CENPP: variants seen among roughly 807,000 people sequenced by gnomAD.
The protein encoded by CENPP is centromere protein P.
In CENPP, 24 loss-of-function variants were observed where a neutral mutation model predicts 35.6. That is an observed-to-expected ratio of 0.67 (90% confidence interval 0.49 to 0.95). The LOEUF (loss-of-function observed/expected upper bound fraction) is 0.95, where lower values mean the gene tolerates loss of function less well. Among genes scored for constraint, CENPP ranks in the 40% least tolerant of loss-of-function variants. The probability of loss-of-function intolerance (pLI) is 0.00; values close to 1 mark genes in which losing one functional copy is unlikely to be tolerated. For missense variants in CENPP, 332 were observed against 345.3 expected (o/e 0.96, Z 0.31); for synonymous variants, 120 against 125.5 (o/e 0.96, Z 0.29).
chr9:92,347,613 A>G (rs1241158083), intron 4 of CENPP, among the ~76,000 whole-genome samples: 1 of 152,102 alleles, frequency 6.6e-6, no homozygotes, highest in African/African-American at 2.4e-5. Flanking sequence ...TTCATTATAG[A>G]TCTGTAGTTT....
At chr9:92,357,938 T>G (rs892926887) in intron 4 of CENPP, among the ~76,000 whole-genome samples, 10 of 152,124 alleles carry the variant, frequency 6.6e-5, no homozygotes, top group African/African-American at 2.2e-4. Flanking sequence ...CTGCTGATCA[T>G]TTTATTGAAC....
intron 4 of CENPP, among the ~76,000 whole-genome samples, chr9:92,355,958 G>C (rs1144933): frequency 6.6e-6 from 1 of 152,086 alleles, no homozygotes; most frequent in African/African-American, 2.4e-5. Context: ...ATATGCATAT[G>C]CAAAAACTCT....
At chr9:92,536,926 A>C (rs1054376091) in intron 5 of CENPP, among the ~76,000 whole-genome samples, 5 of 150,244 alleles carry the variant, frequency 3.3e-5, no homozygotes, top group African/African-American at 1.2e-4. Context: ...CTAGAGTGCA[A>C]TGTCGTGATC....
chr9:92,533,336 T>A lies in CENPP; in HGVS notation c.565-77978T>A, dbSNP rs372777108. On this transcript the variant is annotated intron_variant, in intron 5 of 7. Transcript: ENST00000375587. Reference sequence around the variant, plus strand: ...AAAAAAAAAAAAAAAAAAATATATATATATATATATATATATATATATGCT... The same window carrying A: ...AAAAAAAAAAAAAAAAAAATATATAAATATATATATATATATATATATGCT... Among the ~76,000 whole-genome samples the A allele has an allele frequency of 3.1e-3, 318 of 101,826 alleles. 1 individual carries two copies. Among genetic ancestry groups the A allele is most frequent in the East Asian group, 0.013 (25 of 1,870 alleles). The allele number at this position is 101,826 out of a possible 152,430, so 66.8% of individuals were successfully genotyped here.
chr9:92,543,128 AT>A (rs908496868), intron 5 of CENPP, among the ~76,000 whole-genome samples: 1 of 152,134 alleles, frequency 6.6e-6, no homozygotes, highest in African/African-American at 2.4e-5. Context: ...GCTTTGTAGT[AT>A]ATTTTGATGT....
intron 5 of CENPP, among the ~76,000 whole-genome samples, chr9:92,527,255 C>G (rs2131264827): frequency 6.6e-6 from 1 of 152,278 alleles, no homozygotes; most frequent in Non-Finnish European, 1.5e-5. Flanking sequence ...AAGTGATTCA[C>G]CCACCTCAGC....
At chr9:92,354,102 A>G (rs1841531434) in intron 4 of CENPP, among the ~76,000 whole-genome samples, 1 of 152,236 alleles carries the variant, frequency 6.6e-6, no homozygotes, top group African/African-American at 2.4e-5. Context: ...CATCAGAGGC[A>G]ATGCTGTATG....
In CENPP at chr9:92,613,975, T is replaced by A. The variant is rs1396002084; in HGVS notation, c.*826T>A. The A allele has an allele frequency of 1.3e-5, 2 of 152,214 alleles. No individual in the cohort carries two copies. Among genetic ancestry groups the A allele is most frequent in the East Asian group, 3.9e-4 (2 of 5,184 alleles). 9.4% of individuals were successfully genotyped at this position (152,214 alleles called of 1,614,324 possible). ...GTTTCCAAGACGGGCCAGAAACGCA[T>A]CCACAGCAGTGGCACCCGCGGCTCA... is the stretch of plus-strand genomic sequence containing the variant. On this transcript the variant is annotated 3_prime_UTR_variant, in exon 8 of 8. Coordinates refer to ENST00000375587, the MANE Select transcript of CENPP (RefSeq NM_001012267.3).
chr9:92,387,249 G>A (rs1842469162), intron 5 of CENPP, among the ~76,000 whole-genome samples: 2 of 151,652 alleles, frequency 1.3e-5, no homozygotes, highest in African/African-American at 2.4e-5. Flanking sequence ...GCACATGCCT[G>A]TAATCCCAGC....
intron 5 of CENPP, chr9:92,474,848 G>A (rs574970813): frequency 6.2e-7 from 1 of 1,613,724 alleles, no homozygotes; most frequent in Non-Finnish European, 8.5e-7. Flanking sequence ...GCTAAAGAAG[G>A]GTTTGGCAGA....
chr9:92,444,931 G>T (rs866800937), intron 5 of CENPP, among the ~76,000 whole-genome samples: 1 of 152,128 alleles, frequency 6.6e-6, no homozygotes, highest in African/African-American at 2.4e-5. Flanking sequence ...ACCCTGGAGA[G>T]ACCAACAGAC....
intron 5 of CENPP, among the ~76,000 whole-genome samples, chr9:92,396,896 C>G (rs745824349): frequency 4.9e-4 from 74 of 152,150 alleles, no homozygotes; most frequent in Non-Finnish European, 9.7e-4. Flanking sequence ...TGTCAGGAGA[C>G]TGGGTGCAAT....
At chr9:92,573,299 T>A (rs1850194218) in intron 5 of CENPP, among the ~76,000 whole-genome samples, 1 of 152,162 alleles carries the variant, frequency 6.6e-6, no homozygotes, top group African/African-American at 2.4e-5. Context: ...CCTTTCTGTT[T>A]GTTAGTTTTC....
intron 5 of CENPP, among the ~76,000 whole-genome samples, chr9:92,470,075 C>T (rs946168919): frequency 2.6e-5 from 4 of 152,148 alleles, no homozygotes; most frequent in African/African-American, 4.8e-5. Context: ...GTGATCCGCC[C>T]GCCTTGGCCT....
intron 5 of CENPP, chr9:92,474,870 G>A: frequency 6.2e-7 from 1 of 1,613,680 alleles, no homozygotes; most frequent in Non-Finnish European, 8.5e-7. Flanking sequence ...CACAAAGCCA[G>A]GAATAATAGG....
chr9:92,455,231 C>T (rs2131030102), intron 5 of CENPP, among the ~76,000 whole-genome samples: 1 of 152,206 alleles, frequency 6.6e-6, no homozygotes, highest in African/African-American at 2.4e-5. Context: ...GACCCTGTCT[C>T]CACAAAAAAT....
chr9:92,551,934 T>TATATATATATATG (rs1563999911), intron 5 of CENPP, among the ~76,000 whole-genome samples: 4 of 97,394 alleles, frequency 4.1e-5, no homozygotes, highest in Admixed American at 2.8e-4. Context: ...TGTATATATA[T>TATATATATATATG]ATATATATAT....
chr9:92,541,411 T>TC (rs1554684326), intron 5 of CENPP, among the ~76,000 whole-genome samples: 3 of 55,092 alleles, frequency 5.4e-5, no homozygotes, highest in African/African-American at 1.1e-4. Flanking sequence ...CCACCCCCCT[T>TC]CCCCCTCCCC....
At chr9:92,514,392 G>A (rs1299945086) in intron 5 of CENPP, among the ~76,000 whole-genome samples, 3 of 150,594 alleles carry the variant, frequency 2.0e-5, no homozygotes, top group Non-Finnish European at 3.0e-5. Context: ...CTCCTGCCTC[G>A]GCCTTCTGAG....
Sources: gnomAD v4.1 joint callset for allele counts (sites outside exome capture counted in the v4.1 genomes callset) on GRCh38, gnomAD v4.1.1 for gene constraint, MANE v1.5 for transcripts, NCBI Gene and HGNC (gene_info 2026-07-23, HGNC 2026-07-21) for gene names.